The following USH2A variants were observed in gnomAD, a reference collection of about 807,000 sequenced individuals.
The protein encoded by USH2A is Usher syndrome 2A (autosomal recessive, mild).
USH2A carries 443 observed loss-of-function variants against 538.9 expected under a neutral mutation model. The observed-to-expected ratio is 0.82, with a 90% CI of 0.76 to 0.89. USH2A has a LOEUF of 0.89. Among genes scored for constraint, USH2A ranks in the 40% least tolerant of loss-of-function variants. The pLI, the probability that USH2A is intolerant of heterozygous loss-of-function variation, is 0.00. For synonymous variants in USH2A, 2,413 were observed against 2,273.5 expected, an observed-to-expected ratio of 1.06 and a Z score of -1.75; for missense variants, 6,633 against 6,324.8, an observed-to-expected ratio of 1.05 and a Z score of -1.65.
rs878853408 is a variant in USH2A at position 216,246,733 on chromosome 1, G to A, written c.2661C>T (p.Tyr887=). 6.2e-7 allele frequency: 1 copy of A among 1,614,110 alleles called. No individual in the cohort carries two copies. Among genetic ancestry groups the A allele is most frequent in the African/African-American group, 1.3e-5 (1 of 75,036 alleles). The change falls in exon 13 of 72, where the codon TAC becomes TAT. Residue 887 remains tyrosine (Y), a synonymous_variant. Transcript: ENST00000307340. Reference sequence around the variant, plus strand: ...GTTGAAAATTGTCAATGGTCAAATTGTACCTGTGAGGCTCACACTGATTAC... The same window carrying A: ...GTTGAAAATTGTCAATGGTCAAATTATACCTGTGAGGCTCACACTGATTAC... The part of the protein sequence containing the change: ...LRCNQCEPHR[Y]NLTIDNFQHC...
intron 37 of USH2A, among the ~76,000 whole-genome samples, chr1:215,961,174 G>A (rs529577563): frequency 5.7e-4 from 86 of 152,026 alleles, no homozygotes; most frequent in South Asian, 1.0e-3. Context: ...ATTTAAAATC[G>A]TGGCTTTCAG....
At chr1:215,853,430 C>T (rs1278363035) in intron 44 of USH2A, among the ~76,000 whole-genome samples, 1 of 152,184 alleles carries the variant, frequency 6.6e-6, no homozygotes. Flanking sequence ...GTCATGAAGA[C>T]CTCTGACATG....
chr1:215,720,718 AG>A (rs1258229800), intron 61 of USH2A, among the ~76,000 whole-genome samples: 1 of 152,124 alleles, frequency 6.6e-6, no homozygotes, highest in Non-Finnish European at 1.5e-5. Flanking sequence ...AGGCAAAAAA[AG>A]GTTGTAGGGT....
At chr1:216,037,680 C>CT (rs574422563) in intron 32 of USH2A, among the ~76,000 whole-genome samples, 10 of 151,834 alleles carry the variant, frequency 6.6e-5, no homozygotes, top group Admixed American at 5.9e-4. Flanking sequence ...GTTCACTCAA[C>CT]TTTTTTTTAA....
At chr1:215,973,436 G>T (rs1667542135) in intron 35 of USH2A, among the ~76,000 whole-genome samples, 1 of 151,942 alleles carries the variant, frequency 6.6e-6, no homozygotes, top group Admixed American at 6.6e-5. Context: ...GAATATAATT[G>T]AATCATTTTG....
chr1:216,393,462 C>A (rs553143881), intron 3 of USH2A, among the ~76,000 whole-genome samples: 70 of 152,194 alleles, frequency 4.6e-4, no homozygotes, highest in African/African-American at 1.6e-3. Context: ...GATATAATAC[C>A]TTAAGGTTTT....
At chr1:216,340,335 T>C (rs756050736) in intron 4 of USH2A, among the ~76,000 whole-genome samples, 21 of 152,044 alleles carry the variant, frequency 1.4e-4, no homozygotes, top group Non-Finnish European at 2.6e-4. Flanking sequence ...GTTCTGAAAT[T>C]GAGGCAGTAA....
At chr1:215,693,116 G>GTATATATATA (rs1553253927) in intron 61 of USH2A, among the ~76,000 whole-genome samples, 17,401 of 131,828 alleles carry the variant, frequency 0.13, 1,373 homozygotes, top group South Asian at 0.3. Flanking sequence ...GTGTGTATGT[G>GTATATATATA]TATATATATA....
At chr1:215,892,214 A>G (rs926977391) in intron 40 of USH2A, among the ~76,000 whole-genome samples, 3 of 152,152 alleles carry the variant, frequency 2.0e-5, no homozygotes, top group Non-Finnish European at 4.4e-5. Flanking sequence ...TTGAGTGTGT[A>G]TATAACTTTC....
intron 21 of USH2A, among the ~76,000 whole-genome samples, chr1:216,139,392 T>C (rs2033555204): frequency 6.6e-6 from 1 of 151,664 alleles, no homozygotes; most frequent in Non-Finnish European, 1.5e-5. Context: ...ACTCAAGGTG[T>C]TGAATTTTTC....
At chr1:216,282,590 T>C (rs1446972713) in intron 11 of USH2A, among the ~76,000 whole-genome samples, 1 of 152,218 alleles carries the variant, frequency 6.6e-6, no homozygotes, top group Non-Finnish European at 1.5e-5. Context: ...AATATGTCTC[T>C]ATGTCTATCT....
At chr1:216,033,263 T>C (rs1669170963) in intron 32 of USH2A, among the ~76,000 whole-genome samples, 1 of 152,214 alleles carries the variant, frequency 6.6e-6, no homozygotes. Flanking sequence ...TTTATTGTGT[T>C]TTCACTATTA....
intron 70 of USH2A, chr1:215,630,136 G>GCAGT: frequency 1.9e-6 from 1 of 515,884 alleles, no homozygotes; most frequent in Non-Finnish European, 3.9e-6. Flanking sequence ...TTTTCACTGT[G>GCAGT]CAGTCAACAC....
intron 43 of USH2A, among the ~76,000 whole-genome samples, chr1:215,874,552 G>C (rs1339504800): frequency 6.6e-6 from 1 of 152,164 alleles, no homozygotes; most frequent in African/African-American, 2.4e-5. Context: ...TTAAATTGGT[G>C]CTTTTCTATG....
rs1329546772 is a variant in USH2A at position 215,934,637 on chromosome 1, T to C, written c.7279A>G (p.Thr2427Ala). 1.9e-6 allele frequency: 3 copies of C among 1,612,206 alleles called. No individual in the cohort carries two copies. The highest frequency in any genetic ancestry group is 1.3e-5 in the African/African-American group (1 of 74,808). Reference protein sequence around the residue: ...SQGSLITDPITIAMPPGAPDG... With the variant: ...SQGSLITDPIAIAMPPGAPDG... ...TTACCTCCTGGAGGCATTGCAATTG[T>C]TATAGGATCAGTTATCAAGCTGCCT... is the stretch of plus-strand genomic sequence containing the variant. The change falls in exon 38 of 72, where the codon ACA becomes GCA. Residue 2427 changes from threonine to alanine, a missense_variant. By Grantham distance (58) the Thr-to-Ala change is moderately conservative. Coordinates refer to ENST00000307340, the MANE Select transcript of USH2A (RefSeq NM_206933.4).
At chr1:216,145,500 G>T (rs1426355612) in intron 21 of USH2A, among the ~76,000 whole-genome samples, 1 of 152,150 alleles carries the variant, frequency 6.6e-6, no homozygotes, top group East Asian at 1.9e-4. Flanking sequence ...AAATCTTGTT[G>T]ATTACTTGCT....
intron 59 of USH2A, among the ~76,000 whole-genome samples, chr1:215,742,036 C>T (rs2797222): frequency 0.41 from 61,985 of 151,970 alleles, 12,856 homozygotes; most frequent in Admixed American, 0.47. Flanking sequence ...GAGATGCAGA[C>T]GTTGACTTTG....
At chr1:215,896,981 T>A (rs1026586357) in intron 40 of USH2A, among the ~76,000 whole-genome samples, 1 of 152,138 alleles carries the variant, frequency 6.6e-6, no homozygotes, top group Non-Finnish European at 1.5e-5. Context: ...TGCATTATGA[T>A]TATTTGGCAT....
chr1:216,226,555 G>A (rs963301239), intron 14 of USH2A, among the ~76,000 whole-genome samples: 7 of 152,118 alleles, frequency 4.6e-5, no homozygotes, highest in African/African-American at 1.7e-4. Context: ...ATTGTCTCTG[G>A]TCCTGCATAT....
Sources: allele counts gnomAD v4.1 joint callset (sites outside exome capture counted in the v4.1 genomes callset), GRCh38; gene constraint gnomAD v4.1.1; transcripts MANE v1.5; gene names NCBI Gene and HGNC (gene_info 2026-07-23, HGNC 2026-07-21).